Variants in ROBO1 observed in about 807,000 individuals in gnomAD.
ROBO1 encodes roundabout guidance receptor 1.
A neutral mutation model predicts 195.9 loss-of-function variants in ROBO1; 149 were observed. The ratio of observed to expected loss-of-function variants is 0.76; its 90% confidence interval spans 0.67 to 0.87. The LOEUF (loss-of-function observed/expected upper bound fraction) is 0.87. Among genes scored for constraint, ROBO1 ranks in the 40% least tolerant of loss-of-function variants. The pLI is 0.00. For synonymous variants in ROBO1, 816 were observed against 733.2 expected (o/e 1.11, Z -1.82); for missense variants, 1,933 against 2,068.3 (o/e 0.93, Z 1.27).
intron 1 of ROBO1, among the ~76,000 whole-genome samples, chr3:79,764,100 T>G (rs1197745246): frequency 6.6e-6 from 1 of 152,220 alleles, no homozygotes; most frequent in East Asian, 1.9e-4. Context: ...CTTCATGTGT[T>G]GTAGACATCT....
In ROBO1 at chr3:79,629,578, A is replaced by G. The variant is rs1441947349; in HGVS notation, c.-50-39617T>C. Among the ~76,000 whole-genome samples, 3 of 152,220 alleles carry G rather than the reference A, an allele frequency of 2.0e-5. 1 individual carries two copies. Among genetic ancestry groups the G allele is most frequent in the South Asian group, 4.1e-4 (2 of 4,832 alleles). On this transcript the variant is annotated intron_variant, in intron 1 of 30. Coordinates refer to ENST00000464233, the MANE Select transcript of ROBO1 (RefSeq NM_002941.4). ...ATTAACAAACCAATGTCACAACCCA[A>G]GGTACTAGATAAACAAGAACTAAAC...
chr3:78,644,496 C>T (rs997377236), intron 21 of ROBO1, among the ~76,000 whole-genome samples: 4 of 152,090 alleles, frequency 2.6e-5, no homozygotes, highest in Non-Finnish European at 2.9e-5. Context: ...CTGTTGCCTC[C>T]GTAACATCCC....
rs186558275 is a variant in ROBO1, at chr3:78,945,885, T to C, written c.173-6958A>G. On this transcript the variant is annotated intron_variant, in intron 3 of 30. Transcript: ENST00000464233. ...TACGTGACAACTGTAGAAGCCTCCG[T>C]AGACAATGCAATCAACTGGAAGAAA... 5.9e-5 allele frequency among the ~76,000 whole-genome samples: 9 copies of C among 151,618 alleles called. 1 individual carries two copies. The highest frequency in any genetic ancestry group is 1.3e-4 in the Non-Finnish European group (9 of 67,926).
intron 1 of ROBO1, among the ~76,000 whole-genome samples, chr3:79,604,696 T>C (rs1944431914): frequency 6.6e-6 from 1 of 152,042 alleles, no homozygotes; most frequent in Non-Finnish European, 1.5e-5. Context: ...CTTTGTCTTT[T>C]GCATGGCAAA....
At chr3:79,297,279 T>G (rs1322643913) in intron 2 of ROBO1, among the ~76,000 whole-genome samples, 1 of 152,182 alleles carries the variant, frequency 6.6e-6, no homozygotes, top group African/African-American at 2.4e-5. Flanking sequence ...TGCTCTTCAA[T>G]GGGTCATTTG....
intron 2 of ROBO1, among the ~76,000 whole-genome samples, chr3:79,529,546 T>A (rs1339363953): frequency 6.6e-6 from 1 of 152,144 alleles, no homozygotes; most frequent in African/African-American, 2.4e-5. Context: ...TTTAAGTTAT[T>A]AAGTAAAATA....
intron 1 of ROBO1, among the ~76,000 whole-genome samples, chr3:79,755,285 A>G (rs895095221): frequency 1.3e-5 from 2 of 152,200 alleles, no homozygotes; most frequent in South Asian, 2.1e-4. Flanking sequence ...ATTCTAATAG[A>G]TAATCAAGAT....
intron 4 of ROBO1, among the ~76,000 whole-genome samples, chr3:78,797,941 T>C (rs1042800983): frequency 3.3e-5 from 5 of 152,220 alleles, no homozygotes; most frequent in African/African-American, 1.2e-4. Flanking sequence ...AACAGCAATG[T>C]AATATGCTAT....
intron 2 of ROBO1, among the ~76,000 whole-genome samples, chr3:79,543,593 C>T (rs572768865): frequency 1.0e-3 from 157 of 152,158 alleles, no homozygotes; most frequent in African/African-American, 3.5e-3. Context: ...AATTGATTTA[C>T]GATTAATGCT....
intron 3 of ROBO1, among the ~76,000 whole-genome samples, chr3:79,040,378 A>C (rs774342973): frequency 6.6e-6 from 1 of 152,158 alleles, no homozygotes; most frequent in Admixed American, 6.5e-5. Context: ...AAAGTTCTAA[A>C]TCATCATTGA....
rs188154853 is a variant in ROBO1 at position 79,609,485 on chromosome 3, A to G, written c.-50-19524T>C. Among the ~76,000 whole-genome samples, 443 of 152,124 alleles carry G rather than the reference A, an allele frequency of 2.9e-3. 2 individuals are homozygous for G. The highest frequency in any genetic ancestry group is 0.01 in the African/African-American group (428 of 41,556). On this transcript the variant is annotated intron_variant, in intron 1 of 30. Transcript: ENST00000464233. ...TTAAGATAGAATTTCCACATGATTC[A>G]GAAATGCCACTTCTGGGTATTTAGC...
intron 2 of ROBO1, among the ~76,000 whole-genome samples, chr3:79,331,630 A>C (rs1005020835): frequency 1.3e-5 from 2 of 151,334 alleles, no homozygotes; most frequent in African/African-American, 4.9e-5. Context: ...TTTCAGCCAG[A>C]GCAGGTCCAG....
At chr3:78,881,052 A>C (rs996505319) in intron 4 of ROBO1, among the ~76,000 whole-genome samples, 2 of 152,214 alleles carry the variant, frequency 1.3e-5, no homozygotes, top group African/African-American at 4.8e-5. Flanking sequence ...GGCTGCCGCA[A>C]CAATTTCATA....
chr3:79,139,035 G>T (rs9867774), intron 2 of ROBO1, among the ~76,000 whole-genome samples: 1 of 151,560 alleles, frequency 6.6e-6, no homozygotes, highest in African/African-American at 2.4e-5. Flanking sequence ...GTCAAGTAGA[G>T]TTTGGTTTAA....
chr3:78,778,357 T>A (rs992976475), intron 4 of ROBO1, among the ~76,000 whole-genome samples: 3 of 152,184 alleles, frequency 2.0e-5, no homozygotes, highest in African/African-American at 7.2e-5. Context: ...ATAAAATGAG[T>A]TAGGGAGGAG....
intron 4 of ROBO1, among the ~76,000 whole-genome samples, chr3:78,908,371 T>G (rs149595598): frequency 6.6e-6 from 1 of 151,936 alleles, no homozygotes; most frequent in Non-Finnish European, 1.5e-5. Context: ...ACTAAGGAAC[T>G]GCTAATCATC....
At chr3:78,653,685 G>A (rs1313493506) in intron 18 of ROBO1, among the ~76,000 whole-genome samples, 1 of 152,144 alleles carries the variant, frequency 6.6e-6, no homozygotes, top group East Asian at 1.9e-4. Context: ...GCAACACACT[G>A]GGAGGTTTTA....
chr3:78,913,697 T>C (rs1440499715), intron 4 of ROBO1, among the ~76,000 whole-genome samples: 1 of 152,038 alleles, frequency 6.6e-6, no homozygotes, highest in African/African-American at 2.4e-5. Flanking sequence ...TTTTTCAACT[T>C]GTGAAATGTT....
rs183761479 is a variant in ROBO1 at position 79,025,738 on chromosome 3, G to T, written c.173-86811C>A. Among the ~76,000 whole-genome samples, 12 of 152,244 alleles carry T rather than the reference G, an allele frequency of 7.9e-5. No homozygotes were observed. In the East Asian group the frequency reaches 2.1e-3, roughly 27 times the overall value. On this transcript the variant is annotated intron_variant, in intron 3 of 30. Transcript: ENST00000464233. ...GATTAAATAAGCACACCCTTATTTA[G>T]ATCAGGTTATTTGGGTCCAAGAGAT...
Sources: gnomAD v4.1 joint callset for allele counts (sites outside exome capture counted in the v4.1 genomes callset) on GRCh38, gnomAD v4.1.1 for gene constraint, MANE v1.5 for transcripts, NCBI Gene and HGNC (gene_info 2026-07-23, HGNC 2026-07-21) for gene names.